The following PSMA1 variants were observed in gnomAD, a reference collection of about 807,000 sequenced individuals.
PSMA1 encodes proteasome subunit alpha type-1.
A neutral mutation model predicts 38.4 loss-of-function variants in PSMA1; 3 were observed. That is an observed-to-expected ratio of 0.08 (90% CI 0.04 to 0.20). The LOEUF is 0.20. PSMA1 is among the 10% of genes least tolerant of loss of function. PSMA1 has a pLI of 1.00. For missense variants in PSMA1, 227 were observed against 325.3 expected, an observed-to-expected ratio of 0.70 and a Z score of 2.32; for synonymous variants, 101 against 107.1, an observed-to-expected ratio of 0.94 and a Z score of 0.35.
chr11:14,585,504 C>T (rs1468409296), intron 2 of PSMA1, among the ~76,000 whole-genome samples: 1 of 152,120 alleles, frequency 6.6e-6, no homozygotes, highest in Non-Finnish European at 1.5e-5. Context: ...ACTTTTGAGT[C>T]CCCTTTTAAG....
chr11:14,518,905 A>C (rs1851479098), intron 2 of PSMA1, 92 bp downstream of exon 2: 1 of 1,045,194 alleles, frequency 9.6e-7, no homozygotes, highest in Non-Finnish European at 1.4e-6. Context: ...ATTATATTCC[A>C]TTTTCCCCAA....
chr11:14,552,560 A>G (rs1382421397), intron 2 of PSMA1, among the ~76,000 whole-genome samples: 2 of 152,104 alleles, frequency 1.3e-5, no homozygotes, highest in Non-Finnish European at 2.9e-5. Context: ...CAAGACAATT[A>G]CTCTATGGTA....
exon 2 of PSMA1, chr11:14,611,027 AC>A: frequency 6.3e-7 from 1 of 1,593,126 alleles, no homozygotes; most frequent in Non-Finnish European, 8.6e-7. Context: ...CCAACATACA[AC>A]ATAGGTCTGG....
At chr11:14,608,972 C>G (rs1590009522) in intron 2 of PSMA1, among the ~76,000 whole-genome samples, 1 of 152,238 alleles carries the variant, frequency 6.6e-6, no homozygotes, top group South Asian at 2.1e-4. Context: ...TCATTTCTTA[C>G]TCTACTCAGT....
intron 2 of PSMA1, among the ~76,000 whole-genome samples, chr11:14,567,893 C>T (rs780246225): frequency 3.9e-5 from 6 of 152,124 alleles, no homozygotes; most frequent in African/African-American, 7.2e-5. Context: ...AGAAAACAAA[C>T]GTGTGTTAGA....
At chr11:14,590,786 C>A (rs183509789) in intron 2 of PSMA1, among the ~76,000 whole-genome samples, 1 of 152,228 alleles carries the variant, frequency 6.6e-6, no homozygotes, top group Non-Finnish European at 1.5e-5. Context: ...GAGACCCGCA[C>A]GCCCAGATGA....
chr11:14,529,660 T>G (rs1851624561), intron 2 of PSMA1, among the ~76,000 whole-genome samples: 1 of 152,244 alleles, frequency 6.6e-6, no homozygotes, highest in African/African-American at 2.4e-5. Flanking sequence ...CTTGTAACTT[T>G]ATGCGTGCGT....
At chr11:14,592,368 CTCTCTCTCTA>C (rs1250118870) in intron 2 of PSMA1, among the ~76,000 whole-genome samples, 1 of 110,462 alleles carries the variant, frequency 9.1e-6, no homozygotes, top group Non-Finnish European at 1.8e-5. Flanking sequence ...CTCTCTCTCT[CTCTCTCTCTA>C]TATATATATA....
intron 9 of PSMA1, 89 bp from the exon 10 acceptor site, chr11:14,505,337 T>A (rs1554966271): frequency 1.8e-6 from 2 of 1,112,298 alleles, no homozygotes; most frequent in Non-Finnish European, 1.4e-6. Context: ...TATTAAAAAT[T>A]GAGAAAAAGG....
intron 2 of PSMA1, among the ~76,000 whole-genome samples, chr11:14,532,944 T>G (rs1317715369): frequency 1.7e-4 from 26 of 152,112 alleles, no homozygotes; most frequent in Admixed American, 1.7e-3. Context: ...AAAGACAATA[T>G]GATAAATTAC....
At chr11:14,524,719 G>A (rs769699304), upstream of PSMA1, among the ~76,000 whole-genome samples, 24 of 152,110 alleles carry the variant, frequency 1.6e-4, no homozygotes, top group African/African-American at 5.3e-4. Flanking sequence ...CCGGGTCAGC[G>A]GACTCCTTTG....
In PSMA1 at chr11:14,593,613, T is replaced by TGAGAGAGAGA. The variant is rs59225796; in HGVS notation, c.21+17343_21+17352dup. Among the ~76,000 whole-genome samples, 369 of 98,970 alleles carry TGAGAGAGAGA rather than the reference T, an allele frequency of 3.7e-3. 7 individuals carry two copies. Among genetic ancestry groups the TGAGAGAGAGA allele is most frequent in the Non-Finnish European group, 5.6e-3 (278 of 49,642 alleles). 64.9% of individuals were successfully genotyped at this position (98,970 alleles called of 152,430 possible). ...AAAGAAAGTAATAGAGGAGGAAAAA[T>TGAGAGAGAGA]GAGAGAGAGAGAGAGAGAGAGAGAG... On this transcript the variant is annotated intron_variant, in intron 2 of 10. Transcript: ENST00000418988.
intron 4 of PSMA1, among the ~76,000 whole-genome samples, chr11:14,514,864 C>CT (rs1482686901): frequency 1.3e-5 from 2 of 152,062 alleles, no homozygotes; most frequent in African/African-American, 4.8e-5. Flanking sequence ...CTACTCTGTC[C>CT]TTTTTTCTTG....
At chr11:14,520,038 G>A in intron 1 of PSMA1, 5 of 591,106 alleles carry the variant, frequency 8.5e-6, no homozygotes, top group Non-Finnish European at 1.5e-5. Flanking sequence ...CCTGAGGGGC[G>A]AACTCATCTA....
chr11:14,545,362 T>C (rs1172936958), intron 2 of PSMA1, among the ~76,000 whole-genome samples: 1 of 152,276 alleles, frequency 6.6e-6, no homozygotes, highest in Non-Finnish European at 1.5e-5. Flanking sequence ...GCAAGTTTGT[T>C]ACATAGGTAA....
In PSMA1 at chr11:14,514,509, A is replaced by G. The variant is rs746346771; in HGVS notation, c.255-18T>C. 1.3e-6 allele frequency: 2 copies of G among 1,507,994 alleles called. No individual in the cohort carries two copies. The highest frequency in any genetic ancestry group is 8.9e-7 in the Non-Finnish European group (1 of 1,124,350). The allele number at this position is 1,507,994 out of a possible 1,614,324, so 93.4% of individuals were successfully genotyped here. On this transcript the variant is annotated intron_variant, in intron 4 of 9. Coordinates refer to ENST00000396394, the MANE Select transcript of PSMA1 (RefSeq NM_002786.4). ...TAAAATTACTAAAAAAGAAACAAAA[A>G]AAGTTTAGTAATTTCAAATTATAGA...
intron 2 of PSMA1, among the ~76,000 whole-genome samples, chr11:14,581,970 C>A (rs1852286454): frequency 6.6e-6 from 1 of 152,152 alleles, no homozygotes; most frequent in African/African-American, 2.4e-5. Flanking sequence ...TTCTTATTAG[C>A]CCAAATTGGA....
At chr11:14,591,475 G>A (rs1852413821) in intron 2 of PSMA1, among the ~76,000 whole-genome samples, 1 of 152,332 alleles carries the variant, frequency 6.6e-6, no homozygotes, top group African/African-American at 2.4e-5. Flanking sequence ...CTGGCAGGCA[G>A]TTCCACCTGC....
rs373043466 is a variant in PSMA1 at position 14,599,295 on chromosome 11, G to A, written c.21+11671C>T. On this transcript the variant is annotated intron_variant, in intron 2 of 10. Transcript: ENST00000418988. ...TTTGAATGTTGGCCTGCCTTGCTAG[G>A]TTGGGGAAGTTCTCCTGGATAATAT... Among the ~76,000 whole-genome samples the A allele has an allele frequency of 6.6e-5, 10 of 152,106 alleles. No individual in the cohort carries two copies. In the East Asian group the frequency reaches 7.7e-4, roughly 12 times the overall value.
Sources: allele counts gnomAD v4.1 joint callset (sites outside exome capture counted in the v4.1 genomes callset), GRCh38; gene constraint gnomAD v4.1.1; transcripts MANE v1.5; gene names NCBI Gene and HGNC (gene_info 2026-07-23, HGNC 2026-07-21).